The following PROS1 variants were observed in gnomAD, a reference collection of about 807,000 sequenced individuals.
The protein encoded by PROS1 is protein S.
A neutral mutation model predicts 75.9 loss-of-function variants in PROS1; 29 were observed. That is an observed-to-expected ratio of 0.38 (90% CI 0.28 to 0.52). PROS1 has a LOEUF of 0.52. Among genes scored for constraint, PROS1 ranks in the 20% least tolerant of loss-of-function variants. The probability of loss-of-function intolerance (pLI) is 0.83; values close to 1 mark genes in which losing one functional copy is unlikely to be tolerated. For missense variants in PROS1, 680 were observed against 810.3 expected (o/e 0.84, Z 1.95); for synonymous variants, 245 against 280.6 (o/e 0.87, Z 1.27).
intron 1 of PROS1, among the ~76,000 whole-genome samples, chr3:93,970,437 G>A (rs977928436): frequency 9.9e-5 from 15 of 152,160 alleles, no homozygotes; most frequent in African/African-American, 3.1e-4. Context: ...CTGGGCTCAA[G>A]TGATCTTCCC....
intron 12 of PROS1, among the ~76,000 whole-genome samples, chr3:93,881,229 G>A (rs1377597508): frequency 6.6e-6 from 1 of 152,134 alleles, no homozygotes; most frequent in Non-Finnish European, 1.5e-5. Flanking sequence ...GGCTGAGGCA[G>A]GAGGATTGCT....
chr3:93,898,548 T>C lies in PROS1; in HGVS notation c.749A>G (p.Asn250Ser), dbSNP rs1396796176. The C allele has an allele frequency of 2.5e-6, 4 of 1,612,628 alleles. No homozygotes were observed. Among genetic ancestry groups the C allele is most frequent in the Non-Finnish European group, 3.4e-6 (4 of 1,178,892 alleles). ...SCEDIDECSE[N>S]MCAQLCVNYP... ...ATTGACACAAAGCTGAGCACACATG[T>C]TCTCAGAGCATTCATCTATATCTGA... The change falls in exon 8 of 15, where the codon AAC (asparagine) becomes AGC (serine). Residue 250 changes from asparagine (N) to serine (S), a missense_variant. Physicochemically the swap from Asn to Ser is conservative, Grantham distance 46 (BLOSUM62 1). Coordinates refer to ENST00000394236, the MANE Select transcript of PROS1 (RefSeq NM_000313.4).
intron 1 of PROS1, among the ~76,000 whole-genome samples, chr3:93,937,277 A>G (rs1709198522): frequency 6.6e-6 from 1 of 152,174 alleles, no homozygotes; most frequent in Non-Finnish European, 1.5e-5. Flanking sequence ...CAGTGGTCAG[A>G]TTGAAACAGA....
rs1235149837 is a variant in PROS1 at position 93,928,011 on chromosome 3, A to ATATATATATT, written c.77-605_77-604insAATATATATA. Among the ~76,000 whole-genome samples the ATATATATATT allele has an allele frequency of 1.5e-3, 65 of 44,456 alleles. 2 individuals carry two copies. The highest frequency in any genetic ancestry group is 1.9e-3 in the South Asian group (2 of 1,066). The allele number at this position is 44,456 out of a possible 152,430, so 29.2% of individuals were successfully genotyped here. A position where few individuals can be genotyped will look rare whatever the true frequency, so the allele number is the denominator to read the frequency against. ...TGTGTGTGTATATATATATATATATATTTTTTTTTTTTTTTTTTTTTGAGA... is the reference window on the plus strand; with the variant it reads ...TGTGTGTGTATATATATATATATATATATATATATTTTTTTTTTTTTTTTTTTTTTTGAGA... On this transcript the variant is annotated intron_variant, in intron 1 of 14. Coordinates refer to ENST00000394236, the MANE Select transcript of PROS1 (RefSeq NM_000313.4).
At chr3:93,915,904 AT>A (rs1708838889) in intron 3 of PROS1, among the ~76,000 whole-genome samples, 1 of 152,092 alleles carries the variant, frequency 6.6e-6, no homozygotes, top group East Asian at 1.9e-4. Context: ...AACTGCTTCC[AT>A]ATTTTCAGGT....
intron 1 of PROS1, among the ~76,000 whole-genome samples, chr3:93,939,251 A>C (rs1709238599): frequency 6.6e-6 from 1 of 152,256 alleles, no homozygotes; most frequent in South Asian, 2.1e-4. Context: ...GAGGTGCCTG[A>C]CGTCCAGGCA....
chr3:93,962,048 T>C, intron 1 of PROS1, among the ~76,000 whole-genome samples: 1 of 152,128 alleles, frequency 6.6e-6, no homozygotes, highest in East Asian at 1.9e-4. Context: ...CACTGGAATT[T>C]TTAATAAGCA....
intron 3 of PROS1, among the ~76,000 whole-genome samples, chr3:93,922,459 G>A (rs1369535623): frequency 6.6e-6 from 1 of 152,144 alleles, no homozygotes; most frequent in Non-Finnish European, 1.5e-5. Flanking sequence ...AAACTATAAT[G>A]AAACCCAGAG....
chr3:93,897,636 C>G (rs1268629963), intron 8 of PROS1, among the ~76,000 whole-genome samples: 1 of 151,990 alleles, frequency 6.6e-6, no homozygotes, highest in East Asian at 1.9e-4. Context: ...TGACATTTTT[C>G]TGGACATATA....
intron 1 of PROS1, among the ~76,000 whole-genome samples, chr3:93,944,556 C>T (rs1483919301): frequency 1.6e-4 from 24 of 152,170 alleles, no homozygotes; most frequent in Non-Finnish European, 2.9e-4. Context: ...TGAATGACTA[C>T]TGGGTACATA....
intron 1 of PROS1, among the ~76,000 whole-genome samples, chr3:93,962,412 T>C (rs1451924527): frequency 2.0e-5 from 3 of 152,142 alleles, no homozygotes; most frequent in African/African-American, 7.2e-5. Flanking sequence ...CCAGAACCTC[T>C]TGAGTGAAGG....
chr3:93,897,662 A>C (rs1708523301), intron 8 of PROS1, among the ~76,000 whole-genome samples: 1 of 152,048 alleles, frequency 6.6e-6, no homozygotes, highest in Admixed American at 6.6e-5. Flanking sequence ...TTGTTTTGGC[A>C]ACAGCTATAG....
At chr3:93,874,509 T>C (rs2107120361) in intron 14 of PROS1, 104 bp from the exon 15 acceptor site, 1 of 1,462,042 alleles carries the variant, frequency 6.8e-7, no homozygotes, top group Non-Finnish European at 9.3e-7. Context: ...CAAATTCTAA[T>C]CCTAAAGGAA....
Position 93,938,529 on chromosome 3 carries a change from C to T in PROS1, c.77-11122G>A, listed in dbSNP as rs528057213. Among the ~76,000 whole-genome samples the T allele has an allele frequency of 3.0e-4, 45 of 152,260 alleles. No homozygotes were observed. The East Asian group carries it at 4.7e-3, about 16-fold the overall frequency. ...CTCACTCCGTGAGGAGATCCACCCA[C>T]GACCTCAGGTCCTCAGACCAACCAG... On this transcript the variant is annotated intron_variant, in intron 1 of 14. Transcript: ENST00000394236.
chr3:93,896,080 C>T (rs569494941), intron 9 of PROS1, among the ~76,000 whole-genome samples: 216 of 151,974 alleles, frequency 1.4e-3, no homozygotes, highest in Non-Finnish European at 2.4e-3. Flanking sequence ...AATCTAAGTA[C>T]GATAATAATG....
intron 12 of PROS1, among the ~76,000 whole-genome samples, chr3:93,880,559 T>G (rs1708262064): frequency 6.6e-6 from 1 of 152,172 alleles, no homozygotes; most frequent in Non-Finnish European, 1.5e-5. Context: ...AATTTTTAAT[T>G]GATATATCAT....
intron 1 of PROS1, chr3:93,928,913 TA>T: frequency 2.9e-6 from 1 of 346,312 alleles, no homozygotes; most frequent in South Asian, 3.5e-5. Context: ...TTTTGCATAT[TA>T]GACTGGCAAA....
At position 93,874,195 on chromosome 3, in the gene PROS1, A is replaced by G. The variant is rs1470541426; in HGVS notation, c.*50T>C. On this transcript the variant is annotated 3_prime_UTR_variant, in exon 15 of 15. Coordinates refer to ENST00000394236, the MANE Select transcript of PROS1 (RefSeq NM_000313.4). ...AACCCTTCAGCTGTTATTGAAACAT[A>G]AGTATAATTACACACAAGGAAAAGG... The G allele has an allele frequency of 1.9e-6, 3 of 1,596,290 alleles. No individual in the cohort carries two copies. Among genetic ancestry groups the G allele is most frequent in the Non-Finnish European group, 2.6e-6 (3 of 1,164,438 alleles).
chr3:93,911,965 T>C (rs1460780890), intron 3 of PROS1, among the ~76,000 whole-genome samples: 1 of 152,118 alleles, frequency 6.6e-6, no homozygotes, highest in Non-Finnish European at 1.5e-5. Context: ...TTTGGAAAAA[T>C]ACAGTGTATC....
Sources: allele counts gnomAD v4.1 joint callset (sites outside exome capture counted in the v4.1 genomes callset), GRCh38; gene constraint gnomAD v4.1.1; transcripts MANE v1.5; gene names NCBI Gene and HGNC (gene_info 2026-07-23, HGNC 2026-07-21).